YTHDC2: variants seen among roughly 807,000 people sequenced by gnomAD.
YTHDC2 encodes the protein YTH N6-methyladenosine RNA binding protein C2.
Under a neutral mutation model 174.9 loss-of-function variants are expected in YTHDC2, and 45 were observed. That is an observed-to-expected ratio of 0.26 (90% confidence interval 0.20 to 0.33). The LOEUF is 0.33. YTHDC2 is among the 10% of genes least tolerant of loss of function. The pLI is 1.00. For synonymous variants in YTHDC2, 657 were observed against 574.5 expected, an observed-to-expected ratio of 1.14 and a Z score of -2.05; for missense variants, 1,650 against 1,723.7, an observed-to-expected ratio of 0.96 and a Z score of 0.76.
chr5:113,594,959 CT>C lies in YTHDC2; in HGVS notation c.*1488del, dbSNP rs770763027. On this transcript the variant is annotated 3_prime_UTR_variant, in exon 30 of 30. Coordinates refer to ENST00000161863, the MANE Select transcript of YTHDC2 (RefSeq NM_022828.5). Reference sequence around the variant, plus strand: ...TTATTAGCTTTGGGGTTTTCTTGTACTTTAAGACATACCTGTAAATTGAACC... The same window carrying C: ...TTATTAGCTTTGGGGTTTTCTTGTACTTAAGACATACCTGTAAATTGAACC... 2 of 152,090 alleles carry C rather than the reference CT, an allele frequency of 1.3e-5. No homozygotes were observed. The highest frequency in any genetic ancestry group is 2.9e-5 in the Non-Finnish European group (2 of 68,000). The allele number at this position is 152,090 out of a possible 1,614,324, so 9.4% of individuals were successfully genotyped here.
At position 113,526,811 on chromosome 5, in the gene YTHDC2, G is replaced by GAAAAA. The variant is rs58260423; in HGVS notation, c.675+38_675+42dup. 2.3e-4 allele frequency: 60 copies of GAAAAA among 260,586 alleles called. 1 individual carries two copies. Among genetic ancestry groups the GAAAAA allele is most frequent in the African/African-American group, 1.7e-3 (58 of 34,596 alleles). The allele number at this position is 260,586 out of a possible 1,614,324, so 16.1% of individuals were successfully genotyped here. A position where few individuals can be genotyped will look rare whatever the true frequency, so the allele number is the denominator to read the frequency against. On this transcript the variant is annotated intron_variant, in intron 4 of 29. Transcript: ENST00000161863. ...GTTTGTTTCTTTTTTGTTGTTTATA[G>GAAAAA]AAAAAAAAAAAAAAAATATATATAT... is the stretch of plus-strand genomic sequence containing the variant.
intron 7 of YTHDC2, among the ~76,000 whole-genome samples, chr5:113,537,387 G>C (rs1168744479): frequency 7.5e-6 from 1 of 134,144 alleles, no homozygotes; most frequent in African/African-American, 2.8e-5. Context: ...TTTGTGAAAT[G>C]CTCAGATGCT....
chr5:113,567,237 A>C lies in YTHDC2; in HGVS notation c.2988A>C (p.Pro996=). ...GAGAGAATCTAGTGTTGACAGGGCC[A>C]AAGGAGAAAAAAGTACGATTTCATC... ...VDRENLVLTG[P]KEKKVRFHPA... is the part of the protein sequence containing the mutation. Residue 996 remains proline, a synonymous_variant, in exon 22 of 30, where the codon CCA becomes CCC. Coordinates refer to ENST00000161863, the MANE Select transcript of YTHDC2 (RefSeq NM_022828.5). 1 of 1,613,528 alleles carries C rather than the reference A, an allele frequency of 6.2e-7. No homozygotes were observed. The highest frequency in any genetic ancestry group is 1.3e-5 in the African/African-American group (1 of 74,968).
chr5:113,562,998 TAGAA>T (rs1365030073), intron 18 of YTHDC2, among the ~76,000 whole-genome samples: 1 of 152,166 alleles, frequency 6.6e-6, no homozygotes, highest in African/African-American at 2.4e-5. Context: ...GCCTTGCACT[TAGAA>T]AGCACTTAAA....
At chr5:113,560,153 C>G (rs1387018227) in intron 17 of YTHDC2, among the ~76,000 whole-genome samples, 1 of 152,142 alleles carries the variant, frequency 6.6e-6, no homozygotes, top group African/African-American at 2.4e-5. Flanking sequence ...AGGCATCCAC[C>G]TTATAGTCCT....
intron 3 of YTHDC2, 90 bp from the exon 4 acceptor site, chr5:113,526,496 T>A (rs1337691479): frequency 3.9e-6 from 4 of 1,021,690 alleles, no homozygotes; most frequent in Non-Finnish European, 5.5e-6. Flanking sequence ...TGGCATGTTT[T>A]TCTAGGTTTG....
intron 23 of YTHDC2, among the ~76,000 whole-genome samples, chr5:113,579,158 T>C (rs1778243467): frequency 6.6e-6 from 1 of 152,086 alleles, no homozygotes; most frequent in East Asian, 1.9e-4. Flanking sequence ...TTGGGTTTTA[T>C]GTTATTTTTC....
At chr5:113,541,496 A>G (rs1775463393) in intron 9 of YTHDC2, among the ~76,000 whole-genome samples, 1 of 151,930 alleles carries the variant, frequency 6.6e-6, no homozygotes, top group Non-Finnish European at 1.5e-5. Flanking sequence ...CAGCCAAGAG[A>G]TTGTAATTTT....
At chr5:113,516,240 C>G (rs1264307219) in intron 2 of YTHDC2, among the ~76,000 whole-genome samples, 2 of 152,178 alleles carry the variant, frequency 1.3e-5, no homozygotes, top group Non-Finnish European at 2.9e-5. Context: ...TTTACTGTTA[C>G]TGCAATATAA....
Position 113,513,798 on chromosome 5 carries a change from C to A in YTHDC2, c.-98C>A. The A allele has an allele frequency of 7.3e-7, 1 of 1,373,940 alleles. No individual in the cohort carries two copies. 85.1% of individuals were successfully genotyped at this position (1,373,940 alleles called of 1,614,324 possible). On this transcript the variant is annotated 5_prime_UTR_variant, in exon 1 of 30. Coordinates refer to ENST00000161863, the MANE Select transcript of YTHDC2 (RefSeq NM_022828.5). ...AGCCCAACACAGGCCGTCTCCGGAG[C>A]TTCCCGGTAGTGGCCCCGGATTCCC...
intron 21 of YTHDC2, among the ~76,000 whole-genome samples, chr5:113,566,655 T>C (rs1777351911): frequency 6.6e-6 from 1 of 152,146 alleles, no homozygotes; most frequent in Admixed American, 6.5e-5. Flanking sequence ...TGAAGGACTT[T>C]TGAAACTCAA....
chr5:113,533,134 AAAGTT>A, intron 5 of YTHDC2, 89 bp downstream of exon 5: 1 of 1,439,828 alleles, frequency 6.9e-7, no homozygotes, highest in Non-Finnish European at 9.4e-7. Flanking sequence ...TGTTCGTTGA[AAAGTT>A]AGGTGATCAT....
chr5:113,544,104 T>C (rs1775678508), intron 10 of YTHDC2, among the ~76,000 whole-genome samples: 1 of 152,212 alleles, frequency 6.6e-6, no homozygotes, highest in South Asian at 2.1e-4. Context: ...CACCAGAGAT[T>C]CATCGTTTAT....
At chr5:113,540,175 A>C (rs1775353765) in intron 8 of YTHDC2, among the ~76,000 whole-genome samples, 1 of 152,242 alleles carries the variant, frequency 6.6e-6, no homozygotes, top group South Asian at 2.1e-4. Flanking sequence ...ATGAGCCACC[A>C]TGTCCAGCTG....
At chr5:113,552,164 T>C (rs2112666256) in intron 12 of YTHDC2, among the ~76,000 whole-genome samples, 1 of 152,254 alleles carries the variant, frequency 6.6e-6, no homozygotes, top group East Asian at 1.9e-4. Context: ...TTGTGGTTTT[T>C]AACAGTTTTA....
chr5:113,581,799 A>G, intron 25 of YTHDC2, 90 bp downstream of exon 25: 1 of 1,146,032 alleles, frequency 8.7e-7, no homozygotes, highest in South Asian at 2.6e-5. Flanking sequence ...TATAATATTT[A>G]AAAATTACTT....
chr5:113,568,757 C>T (rs1777525780), intron 23 of YTHDC2, among the ~76,000 whole-genome samples: 1 of 152,084 alleles, frequency 6.6e-6, no homozygotes, highest in Admixed American at 6.6e-5. Flanking sequence ...ACCATATTTT[C>T]TTTATCTAGC....
rs773229385 is a variant in YTHDC2, at chr5:113,581,647, A to G, written c.3585A>G (p.Ser1195=). 6.2e-7 allele frequency: 1 copy of G among 1,612,898 alleles called. No individual in the cohort carries two copies. The highest frequency in any genetic ancestry group is 2.2e-5 in the East Asian group (1 of 44,824). ...TTCCTTTGGCCTCATCTTGGAGGTCAAATAATAGTAGGAAAAGTTCAGCAG... is the reference window on the plus strand; with the variant it reads ...TTCCTTTGGCCTCATCTTGGAGGTCGAATAATAGTAGGAAAAGTTCAGCAG... ...EELPLASSWR[S]NNSRKSSADT... The change falls in exon 25 of 30, where the codon TCA becomes TCG. Residue 1195 remains serine, a synonymous_variant. Transcript: ENST00000161863.
intron 2 of YTHDC2, among the ~76,000 whole-genome samples, chr5:113,516,877 T>C (rs1773466816): frequency 6.6e-6 from 1 of 152,214 alleles, no homozygotes; most frequent in Non-Finnish European, 1.5e-5. Context: ...ACACGGGATT[T>C]AGTTTAGGTG....
Sources: allele counts gnomAD v4.1 joint callset (sites outside exome capture counted in the v4.1 genomes callset), GRCh38; gene constraint gnomAD v4.1.1; transcripts MANE v1.5; gene names NCBI Gene and HGNC (gene_info 2026-07-23, HGNC 2026-07-21).